PNKD: variants seen among roughly 807,000 people sequenced by gnomAD.
The protein encoded by PNKD is PNKD metallo-beta-lactamase domain containing.
PNKD carries 36 observed loss-of-function variants against 45.3 expected under a neutral mutation model. That is an observed-to-expected ratio of 0.80 (90% CI 0.61 to 1.05). PNKD has a LOEUF of 1.05. Among genes scored for constraint, PNKD ranks in the 50% least tolerant of loss-of-function variants. PNKD has a pLI of 0.00. For missense variants in PNKD, 511 were observed against 506.6 expected (o/e 1.01, Z -0.08); for synonymous variants, 197 against 210.1 (o/e 0.94, Z 0.54).
At position 218,340,054 on chromosome 2, in the gene PNKD, C is replaced by G; in HGVS notation, c.378C>G (p.Val126=). 1 of 1,613,444 alleles carries G rather than the reference C, an allele frequency of 6.2e-7. No individual in the cohort carries two copies. The highest frequency in any genetic ancestry group is 8.5e-7 in the Non-Finnish European group (1 of 1,179,384). The change falls in exon 4 of 10, where the codon GTC becomes GTG. Residue 126 remains valine, a synonymous_variant. Transcript: ENST00000273077. The surrounding 1 kb of genome is among the most constrained non-coding windows in gnomAD (Gnocchi z 4.2). ...GAGTGAAGGTGCTTCCCATCCCTGT[C>G]CTCTCGGACAACTACAGCTACCTCA... The part of the protein sequence containing the change: ...FNGVKVLPIP[V]LSDNYSYLII...
intron 2 of PNKD, among the ~76,000 whole-genome samples, chr2:218,328,393 C>T (rs1202672071): frequency 2.0e-5 from 3 of 152,192 alleles, no homozygotes; most frequent in Admixed American, 6.5e-5. Flanking sequence ...CACCCCTGCA[C>T]CCTGTCCCCT....
intron 2 of PNKD, chr2:218,285,980 G>A (rs538648717): frequency 4.5e-5 from 7 of 154,962 alleles, no homozygotes; most frequent in African/African-American, 7.2e-5. Context: ...GTTTACTTTC[G>A]TAGCTATGTC....
chr2:218,289,339 A>G (rs1692768939), intron 2 of PNKD, among the ~76,000 whole-genome samples: 1 of 152,080 alleles, frequency 6.6e-6, no homozygotes, highest in Admixed American at 6.6e-5. Flanking sequence ...CAGTAAGACA[A>G]TTCCCCTCAA....
At position 218,272,901 on chromosome 2, in the gene PNKD, A is replaced by G. The variant is rs1444106431; in HGVS notation, c.236+1352A>G. 4.5e-6 allele frequency: 7 copies of G among 1,556,964 alleles called. No individual in the cohort carries two copies. In the East Asian group the frequency reaches 1.6e-4, roughly 36 times the overall value. ...AACCCTACCCTGCCCCACACCAAGG[A>G]GCCAGCCAAAGGCAAATAAAGTTAT... On this transcript the variant is annotated intron_variant, in intron 2 of 9. Coordinates refer to ENST00000273077, the MANE Select transcript of PNKD (RefSeq NM_015488.5).
chr2:218,336,250 A>T (rs1694488876), intron 2 of PNKD, among the ~76,000 whole-genome samples: 1 of 150,930 alleles, frequency 6.6e-6, no homozygotes, highest in Non-Finnish European at 1.5e-5. Context: ...ATAGCCATTA[A>T]AAGTACTAAA....
intron 2 of PNKD, among the ~76,000 whole-genome samples, chr2:218,292,983 TTAA>T (rs1328527850): frequency 6.6e-6 from 1 of 152,234 alleles, no homozygotes; most frequent in Non-Finnish European, 1.5e-5. Context: ...GCTATGCGGA[TTAA>T]ATTAATTTCC....
chr2:218,280,541 G>A (rs1691802066), intron 2 of PNKD: 2 of 249,806 alleles, frequency 8.0e-6, no homozygotes, highest in South Asian at 4.5e-5. Context: ...CAGGGATAGA[G>A]GTGAAGACAG....
At chr2:218,290,044 G>C (rs192397187) in intron 2 of PNKD, 6 of 152,158 alleles carry the variant, frequency 3.9e-5, no homozygotes, top group Non-Finnish European at 7.3e-5. Context: ...CAGCCCACGT[G>C]GGGGAAAGGA....
intron 2 of PNKD, chr2:218,281,995 G>C: frequency 6.2e-7 from 1 of 1,607,454 alleles, no homozygotes; most frequent in Non-Finnish European, 8.5e-7. Context: ...AGCCAGCAGG[G>C]TGACCGTAGC....
intron 2 of PNKD, among the ~76,000 whole-genome samples, chr2:218,320,438 C>T (rs2015863): frequency 0.31 from 47,893 of 152,098 alleles, 7,933 homozygotes; most frequent in Middle Eastern, 0.5. Context: ...GCCTGTGGCT[C>T]ATGCCTGGAG....
At position 218,345,143 on chromosome 2, in the gene PNKD, A is replaced by C; in HGVS notation, c.*162A>C. On this transcript the variant is annotated 3_prime_UTR_variant, in exon 10 of 10. Coordinates refer to ENST00000273077, the MANE Select transcript of PNKD (RefSeq NM_015488.5). ...GGGAGGGGAGGGATCAGGCGATGAGACTGTGAGGCCAAAAGAAGGGGGCCT... is the reference window on the plus strand; with the variant it reads ...GGGAGGGGAGGGATCAGGCGATGAGCCTGTGAGGCCAAAAGAAGGGGGCCT... 1 of 633,414 alleles carries C rather than the reference A, an allele frequency of 1.6e-6. No individual in the cohort carries two copies. Among genetic ancestry groups the C allele is most frequent in the Non-Finnish European group, 2.7e-6 (1 of 366,058 alleles). The allele number at this position is 633,414 out of a possible 1,614,324, so 39.2% of individuals were successfully genotyped here. A position where few individuals can be genotyped will look rare whatever the true frequency, so the allele number is the denominator to read the frequency against.
chr2:218,296,141 C>A (rs7587220), intron 2 of PNKD, among the ~76,000 whole-genome samples: 52,890 of 152,058 alleles, frequency 0.35, 9,711 homozygotes, highest in Middle Eastern at 0.53. Context: ...AGCCGCTGCG[C>A]CCGGCCAAAC....
intron 2 of PNKD, chr2:218,272,982 G>A (rs1690910590): frequency 7.3e-7 from 1 of 1,375,020 alleles, no homozygotes; most frequent in Non-Finnish European, 9.6e-7. Context: ...TGGGATGGGA[G>A]GGGCAGAGGG....
intron 2 of PNKD, among the ~76,000 whole-genome samples, chr2:218,300,012 C>T (rs1439935559): frequency 1.3e-5 from 2 of 152,178 alleles, no homozygotes; most frequent in South Asian, 2.1e-4. Context: ...CTGCCTCAGC[C>T]TCCCAATGTG....
At chr2:218,291,813 C>G (rs986303081) in intron 2 of PNKD, among the ~76,000 whole-genome samples, 7 of 152,208 alleles carry the variant, frequency 4.6e-5, no homozygotes, top group Non-Finnish European at 1.0e-4. Flanking sequence ...GTTCTGTGAA[C>G]CCAGCCGGGA....
chr2:218,293,157 G>T (rs368641513), intron 2 of PNKD, among the ~76,000 whole-genome samples: 3 of 152,184 alleles, frequency 2.0e-5, no homozygotes, highest in African/African-American at 4.8e-5. Context: ...AGGAAAGCAG[G>T]TGCTTTCCTC....
chr2:218,341,530 G>C lies in PNKD; in HGVS notation c.525-4G>C. 1 of 1,588,700 alleles carries C rather than the reference G, an allele frequency of 6.3e-7. No individual in the cohort carries two copies. The highest frequency in any genetic ancestry group is 8.6e-7 in the Non-Finnish European group (1 of 1,166,270). ...GCCCCCTGCCTGTCTCTGCTGTCCT[G>C]CAGGGACCACAGTGGAGGGAACCGT... is the stretch of plus-strand genomic sequence containing the variant. On this transcript the variant is annotated splice_region_variant and splice_polypyrimidine_tract_variant and intron_variant, in intron 5 of 9. Transcript: ENST00000273077.
At chr2:218,338,581 AC>A (rs756197059) in intron 2 of PNKD, among the ~76,000 whole-genome samples, 1 of 151,998 alleles carries the variant, frequency 6.6e-6, no homozygotes, top group Non-Finnish European at 1.5e-5. Flanking sequence ...AGCCTAGACA[AC>A]AAACTGAGAC....
At chr2:218,323,518 T>C in intron 2 of PNKD, 1 of 358,206 alleles carries the variant, frequency 2.8e-6, no homozygotes, top group Non-Finnish European at 4.0e-6. Flanking sequence ...GAGCTGGGGG[T>C]GGGCGTGGCG....
Sources: gnomAD v4.1 joint callset for allele counts (sites outside exome capture counted in the v4.1 genomes callset) on GRCh38, gnomAD v4.1.1 for gene constraint, Gnocchi (gnomAD v3.1) non-coding constraint, MANE v1.5 for transcripts, NCBI Gene and HGNC (gene_info 2026-07-23, HGNC 2026-07-21) for gene names.